GALNT13: variants seen among roughly 807,000 people sequenced by gnomAD.
GALNT13 encodes the protein polypeptide N-acetylgalactosaminyltransferase 13.
In GALNT13, 28 loss-of-function variants were observed where a neutral mutation model predicts 64.2. The observed-to-expected ratio is 0.44, with a 90% confidence interval of 0.32 to 0.60. The LOEUF is 0.60. GALNT13 is among the 20% of genes least tolerant of loss of function. The pLI, the probability that GALNT13 is intolerant of heterozygous loss-of-function variation, is 0.05. For missense variants in GALNT13, 577 were observed against 669.8 expected (o/e 0.86, Z 1.53); for synonymous variants, 214 against 224.6 (o/e 0.95, Z 0.42).
intron 3 of GALNT13, among the ~76,000 whole-genome samples, chr2:154,089,442 G>A (rs1244852284): frequency 1.3e-5 from 2 of 152,018 alleles, no homozygotes; most frequent in Admixed American, 6.6e-5. Flanking sequence ...TGCCATACCT[G>A]GAGTAGAGCT....
At chr2:153,374,821 TTC>T in the GALNT13 span, among the ~76,000 whole-genome samples, 1 of 152,262 alleles carries the variant, frequency 6.6e-6, no homozygotes, top group Non-Finnish European at 1.5e-5. Context: ...TAGCACACAT[TTC>T]TCTCTCTGTG....
chr2:153,399,224 A>T, the GALNT13 span, among the ~76,000 whole-genome samples: 1 of 150,424 alleles, frequency 6.6e-6, no homozygotes, highest in Non-Finnish European at 1.5e-5. Context: ...GTCAAAGATC[A>T]GATAGTTGTA....
At chr2:154,432,169 C>A (rs1188551279) in intron 11 of GALNT13, among the ~76,000 whole-genome samples, 1 of 152,000 alleles carries the variant, frequency 6.6e-6, no homozygotes, top group African/African-American at 2.4e-5. Context: ...CAGGAAATCA[C>A]CTAGTCACAT....
chr2:153,144,656 G>T, the GALNT13 span, among the ~76,000 whole-genome samples: 4 of 151,860 alleles, frequency 2.6e-5, no homozygotes, highest in Non-Finnish European at 4.4e-5. Flanking sequence ...CAAACTCATG[G>T]TCTGCTCTTG....
At chr2:153,663,300 G>T in the GALNT13 span, among the ~76,000 whole-genome samples, 268 of 152,230 alleles carry the variant, frequency 1.8e-3, no homozygotes, top group African/African-American at 6.2e-3. Flanking sequence ...ATCAACAATG[G>T]AGTATAGAAT....
the GALNT13 span, among the ~76,000 whole-genome samples, chr2:153,562,058 CTCTGTGTGTGTG>C: frequency 0.012 from 1,084 of 87,156 alleles, 19 homozygotes; most frequent in African/African-American, 0.044. Context: ...CTCTCTCTCT[CTCTGTGTGTGTG>C]TGTGTGTGTG....
At chr2:153,083,746 G>C in the GALNT13 span, among the ~76,000 whole-genome samples, 1 of 152,132 alleles carries the variant, frequency 6.6e-6, no homozygotes, top group Admixed American at 6.5e-5. Flanking sequence ...ATTTAATGAA[G>C]TCCCATCTAT....
chr2:154,004,515 T>G (rs1338546555), intron 3 of GALNT13, among the ~76,000 whole-genome samples: 1 of 152,198 alleles, frequency 6.6e-6, no homozygotes, highest in African/African-American at 2.4e-5. Flanking sequence ...GTGCTAAATT[T>G]AATACATTGA....
the GALNT13 span, among the ~76,000 whole-genome samples, chr2:153,529,220 A>G: frequency 3.5e-4 from 54 of 152,182 alleles, no homozygotes; most frequent in Admixed American, 9.8e-4. Flanking sequence ...TCAGAGATGA[A>G]AAAAGAGACA....
At chr2:153,589,395 C>A in the GALNT13 span, among the ~76,000 whole-genome samples, 2 of 152,124 alleles carry the variant, frequency 1.3e-5, no homozygotes, top group Non-Finnish European at 2.9e-5. Context: ...TAGGGAGTTC[C>A]AAACTTTCCC....
At chr2:154,279,278 A>G (rs1691828485) in intron 8 of GALNT13, among the ~76,000 whole-genome samples, 1 of 152,116 alleles carries the variant, frequency 6.6e-6, no homozygotes, top group African/African-American at 2.4e-5. Context: ...CCTGACTCCA[A>G]GTCAGGAACC....
chr2:154,381,508 T>C (rs1466557063), intron 9 of GALNT13, among the ~76,000 whole-genome samples: 2 of 152,050 alleles, frequency 1.3e-5, no homozygotes, highest in Non-Finnish European at 1.5e-5. Flanking sequence ...CTGATTAAGC[T>C]GATGAGGAAA....
chr2:153,939,084 A>T (rs1287808322), intron 2 of GALNT13, among the ~76,000 whole-genome samples: 1 of 152,174 alleles, frequency 6.6e-6, no homozygotes, highest in Non-Finnish European at 1.5e-5. Context: ...TTTTCAATAA[A>T]TTGGGGGTGA....
the GALNT13 span, among the ~76,000 whole-genome samples, chr2:153,655,814 TG>T: frequency 2.0e-5 from 3 of 152,118 alleles, no homozygotes; most frequent in African/African-American, 7.2e-5. Flanking sequence ...TTTATTTCCT[TG>T]TTTGCTATTG....
intron 9 of GALNT13, among the ~76,000 whole-genome samples, chr2:154,372,204 A>C (rs1397847617): frequency 6.6e-6 from 1 of 152,100 alleles, no homozygotes; most frequent in Non-Finnish European, 1.5e-5. Flanking sequence ...GTTTAATTCA[A>C]CCTCCAGAAT....
intron 12 of GALNT13, chr2:154,446,465 T>A: frequency 8.2e-7 from 1 of 1,223,564 alleles, no homozygotes; most frequent in Non-Finnish European, 1.1e-6. Flanking sequence ...ACATGTGCCT[T>A]CCATCTTTAT....
the GALNT13 span, among the ~76,000 whole-genome samples, chr2:153,414,499 A>G: frequency 7.0e-6 from 1 of 142,980 alleles, no homozygotes; most frequent in Admixed American, 6.9e-5. Context: ...TTTTTTTGGT[A>G]ATTGATCTAT....
At chr2:153,258,812 G>C in the GALNT13 span, among the ~76,000 whole-genome samples, 6 of 151,976 alleles carry the variant, frequency 3.9e-5, no homozygotes, top group Non-Finnish European at 7.4e-5. Context: ...TTCCTTTCTT[G>C]TCAGAGAAGA....
At chr2:153,781,594 G>A in the GALNT13 span, among the ~76,000 whole-genome samples, 29 of 151,866 alleles carry the variant, frequency 1.9e-4, 1 homozygote, top group Admixed American at 6.6e-5. Flanking sequence ...TAGAAAAGTG[G>A]GCTTTTGTGT....
Sources: allele counts gnomAD v4.1 joint callset (sites outside exome capture counted in the v4.1 genomes callset), GRCh38; gene constraint gnomAD v4.1.1; transcripts MANE v1.5; gene names NCBI Gene and HGNC (gene_info 2026-07-23, HGNC 2026-07-21).